Variants in SNX18 observed in about 807,000 individuals in gnomAD.
SNX18 encodes the protein sorting nexin-18.
Under a neutral mutation model 48.7 loss-of-function variants are expected in SNX18, and 35 were observed. That is an observed-to-expected ratio of 0.72 (90% CI 0.55 to 0.95). The LOEUF (loss-of-function observed/expected upper bound fraction) is 0.95, where lower values mean the gene tolerates loss of function less well. SNX18 is among the 40% of genes least tolerant of loss of function. The probability of loss-of-function intolerance (pLI) is 0.00; values close to 1 mark genes in which losing one functional copy is unlikely to be tolerated. For synonymous variants in SNX18, 492 were observed against 384.7 expected (o/e 1.28, Z -3.26); for missense variants, 824 against 871.0 (o/e 0.95, Z 0.68).
At chr5:54,596,530 A>T in the SNX18 span, among the ~76,000 whole-genome samples, 80 of 152,294 alleles carry the variant, frequency 5.3e-4, no homozygotes, top group Non-Finnish European at 9.4e-4. Flanking sequence ...CAACTAGATG[A>T]TTAATAAATG....
the SNX18 span, among the ~76,000 whole-genome samples, chr5:54,592,743 T>A: frequency 1.3e-5 from 2 of 152,218 alleles, no homozygotes; most frequent in African/African-American, 4.8e-5. Flanking sequence ...AAGATGATAA[T>A]GACGTGGGTT....
rs1762565150 is a variant in SNX18, at chr5:54,545,626, A to G, written c.*2194A>G. 6.6e-6 allele frequency: 1 copy of G among 152,182 alleles called. No homozygotes were observed. Among genetic ancestry groups the G allele is most frequent in the Admixed American group, 6.5e-5 (1 of 15,278 alleles). 9.4% of individuals were successfully genotyped at this position (152,182 alleles called of 1,614,324 possible). A position where few individuals can be genotyped will look rare whatever the true frequency, so the allele number is the denominator to read the frequency against. ...AAATTTCATTCTTCATAACCACATA[A>G]CATTATAATGCCACTGATTCATACG... On this transcript the variant is annotated 3_prime_UTR_variant, in exon 2 of 2. Coordinates refer to ENST00000381410, the MANE Select transcript of SNX18 (RefSeq NM_001102575.2).
chr5:54,611,880 TC>T, the SNX18 span, among the ~76,000 whole-genome samples: 20 of 150,672 alleles, frequency 1.3e-4, no homozygotes, highest in East Asian at 3.9e-4. Context: ...TTCTTCTTCT[TC>T]TTTTTTTTTA....
intron 1 of SNX18, chr5:54,520,618 T>G (rs1042586351): frequency 2.6e-4 from 43 of 167,122 alleles, no homozygotes; most frequent in African/African-American, 1.0e-3. Flanking sequence ...GCCAGTCCGT[T>G]TATGAGCAAC....
At chr5:54,639,475 G>A in the SNX18 span, among the ~76,000 whole-genome samples, 1 of 152,124 alleles carries the variant, frequency 6.6e-6, no homozygotes, top group African/African-American at 2.4e-5. Flanking sequence ...TCCAGTTCTT[G>A]CCAAAATAAT....
At chr5:54,579,258 G>A in the SNX18 span, among the ~76,000 whole-genome samples, 4 of 151,986 alleles carry the variant, frequency 2.6e-5, no homozygotes, top group South Asian at 6.2e-4. Flanking sequence ...CAGGAGGATT[G>A]CTTGAGCCTA....
intron 1 of SNX18, among the ~76,000 whole-genome samples, chr5:54,532,561 A>G (rs1235463218): frequency 2.6e-5 from 4 of 152,250 alleles, no homozygotes; most frequent in East Asian, 3.9e-4. Context: ...GAAACAATAC[A>G]TGGTTTTCTT....
the SNX18 span, among the ~76,000 whole-genome samples, chr5:54,626,967 G>A: frequency 6.6e-6 from 1 of 152,232 alleles, no homozygotes; most frequent in East Asian, 1.9e-4. Context: ...AGGCTTGGAA[G>A]ATGGCACAAC....
chr5:54,575,217 G>A, the SNX18 span, among the ~76,000 whole-genome samples: 1 of 151,996 alleles, frequency 6.6e-6, no homozygotes, highest in Non-Finnish European at 1.5e-5. Context: ...AAGCCACCAC[G>A]CCGGAGAGAA....
the SNX18 span, among the ~76,000 whole-genome samples, chr5:54,613,390 A>C: frequency 3.9e-5 from 6 of 152,120 alleles, no homozygotes; most frequent in Non-Finnish European, 7.4e-5. Flanking sequence ...GAGATCACGC[A>C]CATGAGAGAA....
chr5:54,543,042 C>T (rs1202264116), intron 1 of SNX18, 137 bp from the exon 2 acceptor site: 6 of 783,632 alleles, frequency 7.7e-6, no homozygotes, highest in African/African-American at 5.4e-5. Flanking sequence ...AATTATGGTC[C>T]TCACTTTAAA....
downstream of SNX18, among the ~76,000 whole-genome samples, chr5:54,546,826 G>C (rs1029640402): frequency 5.3e-5 from 8 of 152,356 alleles, no homozygotes; most frequent in Admixed American, 5.2e-4. Context: ...ATAGCAGTAA[G>C]TTGTGAGTGA....
chr5:54,635,728 C>G, the SNX18 span, among the ~76,000 whole-genome samples: 1 of 152,190 alleles, frequency 6.6e-6, no homozygotes, highest in African/African-American at 2.4e-5. Flanking sequence ...TGGCTGACTT[C>G]AGGTACAACC....
the SNX18 span, among the ~76,000 whole-genome samples, chr5:54,600,156 G>C: frequency 6.6e-6 from 1 of 151,964 alleles, no homozygotes. Flanking sequence ...CTCATTAAAA[G>C]GTGGGCAAAG....
chr5:54,601,404 A>G, the SNX18 span, among the ~76,000 whole-genome samples: 2 of 151,968 alleles, frequency 1.3e-5, no homozygotes, highest in Non-Finnish European at 2.9e-5. Flanking sequence ...TTGTATCTCT[A>G]CTCTGAGCCT....
chr5:54,608,108 G>A, the SNX18 span, among the ~76,000 whole-genome samples: 2 of 152,176 alleles, frequency 1.3e-5, no homozygotes, highest in Non-Finnish European at 2.9e-5. Flanking sequence ...ATTTTCCAGA[G>A]TAGTTGTACC....
At chr5:54,632,758 C>G in the SNX18 span, among the ~76,000 whole-genome samples, 2 of 152,112 alleles carry the variant, frequency 1.3e-5, no homozygotes, top group South Asian at 2.1e-4. Flanking sequence ...CTTCTAAACC[C>G]AGGGCAGTAA....
At chr5:54,637,002 T>C in the SNX18 span, among the ~76,000 whole-genome samples, 2 of 152,220 alleles carry the variant, frequency 1.3e-5, no homozygotes, top group Admixed American at 1.3e-4. Flanking sequence ...ACCTTAAATA[T>C]AAAGTTTAAG....
chr5:54,537,733 A>G (rs11744803), intron 1 of SNX18, among the ~76,000 whole-genome samples: 73,685 of 152,068 alleles, frequency 0.48, 18,955 homozygotes, highest in Middle Eastern at 0.6. Flanking sequence ...CAGAGCTTTC[A>G]ATGCTATTGC....
Sources: gnomAD v4.1 joint callset for allele counts (sites outside exome capture counted in the v4.1 genomes callset) on GRCh38, gnomAD v4.1.1 for gene constraint, MANE v1.5 for transcripts, NCBI Gene and HGNC (gene_info 2026-07-23, HGNC 2026-07-21) for gene names.